UBE2R2: variants seen among roughly 807,000 people sequenced by gnomAD.
The protein encoded by UBE2R2 is ubiquitin-conjugating enzyme E2 R2.
In UBE2R2, 1 loss-of-function variant was observed where a neutral mutation model predicts 27.8. The observed-to-expected ratio is 0.04, with a 90% CI of 0.01 to 0.17. UBE2R2 has a LOEUF of 0.17. Among genes scored for constraint, UBE2R2 ranks in the 10% least tolerant of loss-of-function variants. UBE2R2 has a pLI of 1.00. For missense variants in UBE2R2, 100 were observed against 291.0 expected (o/e 0.34, Z 4.78); for synonymous variants, 106 against 113.3 (o/e 0.94, Z 0.41).
chr9:33,906,100 G>A (rs1448596433), intron 3 of UBE2R2, among the ~76,000 whole-genome samples: 5 of 146,878 alleles, frequency 3.4e-5, no homozygotes, highest in East Asian at 2.1e-4. Context: ...TGTTGTCGTC[G>A]TCGTCGTTGT....
At chr9:33,872,678 C>G (rs1259269069) in intron 1 of UBE2R2, among the ~76,000 whole-genome samples, 2 of 150,676 alleles carry the variant, frequency 1.3e-5, no homozygotes, top group Non-Finnish European at 3.0e-5. Context: ...TCCAGATACT[C>G]AGGAGGCTGA....
chr9:33,850,094 A>G (rs542845221), intron 1 of UBE2R2, among the ~76,000 whole-genome samples: 2 of 152,314 alleles, frequency 1.3e-5, no homozygotes, highest in East Asian at 3.9e-4. Context: ...TAAGAGGACC[A>G]GAGAAACGCA....
chr9:33,906,801 C>T (rs951099275), intron 3 of UBE2R2, among the ~76,000 whole-genome samples: 63 of 152,096 alleles, frequency 4.1e-4, no homozygotes, highest in Admixed American at 2.2e-3. Context: ...ACTTGGGAGG[C>T]CAAGGCAGGT....
rs1359913960 is a variant in UBE2R2, at chr9:33,891,106, A to G, written c.264+4139A>G. Among the ~76,000 whole-genome samples, 8 of 141,390 alleles carry G rather than the reference A, an allele frequency of 5.7e-5. No homozygotes were observed. The East Asian group carries it at 9.7e-4, about 17-fold the overall frequency. The allele number at this position is 141,390 out of a possible 152,430, so 92.8% of individuals were successfully genotyped here. ...GCTCTGTCACCCAGGCTAGAGTGCA[A>G]TGGTGCAATCTTGGCTCACTGCAAC... On this transcript the variant is annotated intron_variant, in intron 2 of 4. Coordinates refer to ENST00000263228, the MANE Select transcript of UBE2R2 (RefSeq NM_017811.4).
intron 1 of UBE2R2, among the ~76,000 whole-genome samples, chr9:33,869,811 T>C (rs1821445922): frequency 6.6e-6 from 1 of 152,042 alleles, no homozygotes; most frequent in African/African-American, 2.4e-5. Flanking sequence ...TTTGCCTAGA[T>C]ATTTTTTATT....
chr9:33,823,641 G>A (rs1169442218), intron 1 of UBE2R2, among the ~76,000 whole-genome samples: 2 of 152,212 alleles, frequency 1.3e-5, no homozygotes. Flanking sequence ...CTCCCAAAGT[G>A]CTGGGATTAC....
intron 1 of UBE2R2, among the ~76,000 whole-genome samples, chr9:33,836,832 AACTTTAT>A (rs1248091283): frequency 6.6e-6 from 1 of 151,926 alleles, no homozygotes; most frequent in Non-Finnish European, 1.5e-5. Flanking sequence ...GCTTTATTCT[AACTTTAT>A]ACTTGAAATT....
At chr9:33,908,262 C>T (rs1307915994) in intron 3 of UBE2R2, among the ~76,000 whole-genome samples, 1 of 152,344 alleles carries the variant, frequency 6.6e-6, no homozygotes. Flanking sequence ...TCACAGGTGT[C>T]CATCTAATCA....
At chr9:33,899,831 A>C (rs1822208096) in intron 2 of UBE2R2, among the ~76,000 whole-genome samples, 1 of 152,176 alleles carries the variant, frequency 6.6e-6, no homozygotes, top group African/African-American at 2.4e-5. Context: ...GTACTATAGG[A>C]ATAGTAAGTC....
chr9:33,874,867 A>G (rs984193103), intron 1 of UBE2R2, among the ~76,000 whole-genome samples: 3 of 151,952 alleles, frequency 2.0e-5, no homozygotes, highest in African/African-American at 7.3e-5. Context: ...GGGTCTCGCT[A>G]TGTTGCTGAG....
intron 1 of UBE2R2, among the ~76,000 whole-genome samples, chr9:33,834,204 CTT>C (rs1338617494): frequency 6.5e-5 from 8 of 122,940 alleles, no homozygotes; most frequent in Admixed American, 1.7e-4. Flanking sequence ...TTTTTTTTTT[CTT>C]TTTTTTTTTT....
In UBE2R2 at chr9:33,817,883, G is replaced by A; in HGVS notation, c.126G>A (p.Glu42=). The A allele has an allele frequency of 6.2e-7, 1 of 1,611,850 alleles. No homozygotes were observed. Among genetic ancestry groups the A allele is most frequent in the Non-Finnish European group, 8.5e-7 (1 of 1,178,756 alleles). ...LVDESDLYNW[E]VAIFGPPNTL... is the part of the protein sequence containing the mutation. ...ACGAGTCCGACCTCTACAACTGGGAGGTGGCCATCTTCGGACCCCCCAACA... is the reference window on the plus strand; with the variant it reads ...ACGAGTCCGACCTCTACAACTGGGAAGTGGCCATCTTCGGACCCCCCAACA... Residue 42 remains glutamate (E), a synonymous_variant, in exon 1 of 5, where the codon GAG becomes GAA. Coordinates refer to ENST00000263228, the MANE Select transcript of UBE2R2 (RefSeq NM_017811.4).
chr9:33,863,236 A>G (rs1338003909), intron 1 of UBE2R2, among the ~76,000 whole-genome samples: 1 of 151,682 alleles, frequency 6.6e-6, no homozygotes, highest in African/African-American at 2.4e-5. Context: ...ACATGGGTAC[A>G]TGGTAAGCCG....
chr9:33,860,005 C>T (rs1183614472), intron 1 of UBE2R2, among the ~76,000 whole-genome samples: 1 of 151,998 alleles, frequency 6.6e-6, no homozygotes, highest in Admixed American at 6.6e-5. Context: ...CAAGGTCTCC[C>T]TGTGTTGCCC....
chr9:33,876,398 ATAAG>A (rs971695864), intron 1 of UBE2R2, among the ~76,000 whole-genome samples: 20 of 152,262 alleles, frequency 1.3e-4, no homozygotes, highest in Admixed American at 1.0e-3. Context: ...GTTCTGAAAA[ATAAG>A]TAAAGTAATA....
At chr9:33,861,884 C>T (rs991762315) in intron 1 of UBE2R2, among the ~76,000 whole-genome samples, 2 of 135,094 alleles carry the variant, frequency 1.5e-5, no homozygotes, top group Admixed American at 7.9e-5. Flanking sequence ...GACGGAGTCT[C>T]ACACTGTCGC....
intron 1 of UBE2R2, among the ~76,000 whole-genome samples, chr9:33,884,355 G>A (rs1343639327): frequency 6.9e-6 from 1 of 144,398 alleles, no homozygotes; most frequent in African/African-American, 2.6e-5. Context: ...TATGATCATA[G>A]CCCACTGCAG....
intron 1 of UBE2R2, among the ~76,000 whole-genome samples, chr9:33,828,301 CAA>C (rs774959128): frequency 7.3e-5 from 6 of 82,170 alleles, no homozygotes; most frequent in East Asian, 3.6e-4. Context: ...GACTATTTCT[CAA>C]AAAAAAAAAA....
rs10971732 is a variant in UBE2R2, at chr9:33,840,730, G to T, written c.177+22796G>T. 1.1e-4 allele frequency among the ~76,000 whole-genome samples: 16 copies of T among 151,996 alleles called. No homozygotes were observed. In the East Asian group the frequency reaches 2.9e-3, roughly 28 times the overall value. On this transcript the variant is annotated intron_variant, in intron 1 of 4. Coordinates refer to ENST00000263228, the MANE Select transcript of UBE2R2 (RefSeq NM_017811.4). ...AAATAGTGACATTCTAATTGTGTGGGTTTTTTTAAAATTTTTTGTTGGAAT... is the reference window on the plus strand; with the variant it reads ...AAATAGTGACATTCTAATTGTGTGGTTTTTTTTAAAATTTTTTGTTGGAAT...
Sources: gnomAD v4.1 joint callset for allele counts (sites outside exome capture counted in the v4.1 genomes callset) on GRCh38, gnomAD v4.1.1 for gene constraint, MANE v1.5 for transcripts, NCBI Gene and HGNC (gene_info 2026-07-23, HGNC 2026-07-21) for gene names.